Variants in MGA observed in about 807,000 individuals in gnomAD.
The protein encoded by MGA is MAX gene-associated protein.
In MGA, 40 loss-of-function variants were observed where a neutral mutation model predicts 261.1. That is an observed-to-expected ratio of 0.15 (90% CI 0.12 to 0.20). The LOEUF is 0.20. Among genes scored for constraint, MGA ranks in the 10% least tolerant of loss-of-function variants. The probability of loss-of-function intolerance (pLI) is 1.00; values close to 1 mark genes in which losing one functional copy is unlikely to be tolerated. For synonymous variants in MGA, 1,302 were observed against 1,290.6 expected, an observed-to-expected ratio of 1.01 and a Z score of -0.19; for missense variants, 3,397 against 3,630.5, an observed-to-expected ratio of 0.94 and a Z score of 1.65.
intron 1 of MGA, among the ~76,000 whole-genome samples, chr15:41,625,005 TG>T (rs1420298848): frequency 6.6e-6 from 1 of 151,984 alleles, no homozygotes; most frequent in East Asian, 1.9e-4. Context: ...TAGCTTGGTG[TG>T]GTGGCACATC....
intron 2 of MGA, among the ~76,000 whole-genome samples, chr15:41,678,208 A>G (rs1013660695): frequency 2.0e-5 from 3 of 150,490 alleles, no homozygotes; most frequent in Non-Finnish European, 4.4e-5. Flanking sequence ...CTCCTGCCTC[A>G]GCCTCCTGAG....
chr15:41,632,162 A>G (rs773188615), intron 1 of MGA, among the ~76,000 whole-genome samples: 1 of 152,208 alleles, frequency 6.6e-6, no homozygotes, highest in Non-Finnish European at 1.5e-5. Flanking sequence ...TCAGGCCTCT[A>G]GATGAGGGGT....
chr15:41,698,957 A>G lies in MGA; in HGVS notation c.2092+16A>G, dbSNP rs1454989400. On this transcript the variant is annotated intron_variant, in intron 4 of 23. Coordinates refer to ENST00000219905, the MANE Select transcript of MGA (RefSeq NM_001164273.2). ...AATGACTCAGGTATTATAAAATAGT[A>G]TAAAAAGAGTTGTATTTGTGGTTTG... 2.5e-5 allele frequency: 38 copies of G among 1,547,216 alleles called. No homozygotes were observed. Among genetic ancestry groups the G allele is most frequent in the Non-Finnish European group, 3.1e-5 (35 of 1,143,222 alleles).
At chr15:41,665,757 A>G (rs1376137773) in intron 1 of MGA, among the ~76,000 whole-genome samples, 2 of 152,082 alleles carry the variant, frequency 1.3e-5, no homozygotes, top group East Asian at 3.9e-4. Context: ...GAAATCCCAC[A>G]CCCATTAGCA....
chr15:41,748,413 G>A (rs185145490), intron 15 of MGA, among the ~76,000 whole-genome samples: 87 of 152,276 alleles, frequency 5.7e-4, no homozygotes, highest in African/African-American at 1.9e-3. Flanking sequence ...AATAAGCCAG[G>A]TGTGCTGGTG....
Position 41,713,433 on chromosome 15 carries a change from G to C in MGA, c.3367G>C (p.Glu1123Gln), listed in dbSNP as rs780143235. 2.5e-6 allele frequency: 4 copies of C among 1,571,860 alleles called. No individual in the cohort carries two copies. The South Asian group carries it at 4.6e-5, about 18-fold the overall frequency. ...GGGAGAGGAGGCAAGGGAGGAGGAA[G>C]AAGGAATCAGGGAGGAGGAGGAACA... The change falls in exon 9 of 24, where the codon GAA becomes CAA. Residue 1123 changes from glutamate (E) to glutamine (Q), a missense_variant. This residue lies in a region of MGA where 519 missense variants were observed against 554.1 expected (regional missense o/e 0.94). Coordinates refer to ENST00000219905, the MANE Select transcript of MGA (RefSeq NM_001164273.2).
upstream of MGA, among the ~76,000 whole-genome samples, chr15:41,659,480 T>C (rs1217944796): frequency 1.3e-5 from 2 of 152,246 alleles, no homozygotes; most frequent in African/African-American, 4.8e-5. Context: ...ACTTCTTTTT[T>C]GCCTTTTAAG....
chr15:41,629,024 C>T (rs8024907), intron 1 of MGA, among the ~76,000 whole-genome samples: 22,741 of 149,800 alleles, frequency 0.15, 2,634 homozygotes, highest in East Asian at 0.7. Context: ...CGCCTGTAGT[C>T]GCAGCTACTT....
At chr15:41,695,996 CT>C (rs74824973) in intron 2 of MGA, 78 bp from the exon 3 acceptor site, 134,239 of 796,214 alleles carry the variant, frequency 0.17, 2 homozygotes, top group East Asian at 0.21. Flanking sequence ...TTCCTAACAT[CT>C]TTTTTTTTTT....
chr15:41,674,859 T>C (rs1003313800), intron 2 of MGA, among the ~76,000 whole-genome samples: 1 of 152,274 alleles, frequency 6.6e-6, no homozygotes, highest in East Asian at 1.9e-4. Flanking sequence ...TCTAGCTTAT[T>C]TGTCTCTCTT....
chr15:41,692,637 A>G (rs2059343858), intron 2 of MGA, among the ~76,000 whole-genome samples: 1 of 152,156 alleles, frequency 6.6e-6, no homozygotes, highest in Non-Finnish European at 1.5e-5. Context: ...GTGTTTTCTC[A>G]TGGTTATGGC....
chr15:41,661,943 C>G (rs887688711), intron 1 of MGA, among the ~76,000 whole-genome samples: 2 of 152,046 alleles, frequency 1.3e-5, no homozygotes, highest in Non-Finnish European at 2.9e-5. Context: ...GACTCTTCCC[C>G]GGAAGAGCTT....
At chr15:41,719,983 C>T (rs898915184) in intron 9 of MGA, among the ~76,000 whole-genome samples, 3 of 152,008 alleles carry the variant, frequency 2.0e-5, no homozygotes, top group East Asian at 3.9e-4. Context: ...AAGTGAACCT[C>T]GGAAAAATGC....
chr15:41,730,253 CA>C (rs1400011275), intron 11 of MGA, among the ~76,000 whole-genome samples: 1 of 152,100 alleles, frequency 6.6e-6, no homozygotes, highest in Non-Finnish European at 1.5e-5. Flanking sequence ...GCCTGGCCAA[CA>C]AGGTGAAACC....
chr15:41,714,305 T>C (rs995064298), intron 9 of MGA, among the ~76,000 whole-genome samples: 87 of 152,202 alleles, frequency 5.7e-4, no homozygotes, highest in African/African-American at 2.1e-3. Flanking sequence ...ATGTTAGTTT[T>C]AATGGCTTCA....
chr15:41,766,841 C>G lies in MGA; in HGVS notation c.8759C>G (p.Ala2920Gly), dbSNP rs539303583. ...AATGAAAAACAACTTGCAGAACCAG[C>G]CTCTGAGCCAGATGTCCTTAAGATT... The change falls in exon 24 of 24, where the codon GCC (alanine) becomes GGC (glycine). Residue 2920 changes from alanine to glycine, a missense_variant. Transcript: ENST00000219905. 1,209 of 1,614,016 alleles carry G rather than the reference C, an allele frequency of 7.5e-4. 26 individuals are homozygous for G. The South Asian group carries it at 0.013, about 17-fold the overall frequency.
At chr15:41,685,864 G>T (rs376738903) in intron 2 of MGA, among the ~76,000 whole-genome samples, 4 of 151,950 alleles carry the variant, frequency 2.6e-5, no homozygotes, top group Admixed American at 6.6e-5. Flanking sequence ...AATTAGCTGG[G>T]TGTGGTTGCG....
intron 1 of MGA, among the ~76,000 whole-genome samples, chr15:41,638,103 T>C (rs1484621309): frequency 4.2e-5 from 5 of 118,332 alleles, no homozygotes; most frequent in African/African-American, 1.6e-4. Flanking sequence ...AGTGCAGTGG[T>C]GAGATCTCGG....
intron 17 of MGA, chr15:41,751,641 T>G (rs1436093188): frequency 6.6e-6 from 1 of 152,576 alleles, no homozygotes; most frequent in Non-Finnish European, 1.5e-5. Flanking sequence ...GGAGAATCGC[T>G]TGAACCCGGG....
Sources: allele counts gnomAD v4.1 joint callset (sites outside exome capture counted in the v4.1 genomes callset), GRCh38; gene constraint gnomAD v4.1.1; regional missense constraint gnomAD v4.1.1; transcripts MANE v1.5; gene names NCBI Gene and HGNC (gene_info 2026-07-23, HGNC 2026-07-21).